The following OR52K1 variants were observed in gnomAD, a reference collection of about 807,000 sequenced individuals.
The protein encoded by OR52K1 is olfactory receptor 52K1.
OR52K1 carries 10 observed loss-of-function variants against 8.7 expected under a neutral mutation model. The ratio of observed to expected loss-of-function variants is 1.15; its 90% CI spans 0.71 to 1.95. The LOEUF (loss-of-function observed/expected upper bound fraction) is 1.95, where lower values mean the gene tolerates loss of function less well. OR52K1 is among the 30% of genes most tolerant of loss of function. OR52K1 has a pLI of 0.00. For synonymous variants in OR52K1, 203 were observed against 148.5 expected (o/e 1.37, Z -2.67); for missense variants, 431 against 397.2 (o/e 1.08, Z -0.72).
In OR52K1 at chr11:4,491,070, C is replaced by T. The variant is rs1846370494; in HGVS notation, c.*1225C>T. The stretch of plus-strand genomic sequence containing the variant: ...GGACACATTTCTCAGAATGTATCCC[C>T]ATCATTAAGCAATGCATGACTAGTT... On this transcript the variant is annotated 3_prime_UTR_variant, in exon 2 of 2. Transcript: ENST00000641528. 6.6e-6 allele frequency: 1 copy of T among 152,118 alleles called. No homozygotes were observed. The highest frequency in any genetic ancestry group is 1.5e-5 in the Non-Finnish European group (1 of 68,012). The allele number at this position is 152,118 out of a possible 1,614,324, so 9.4% of individuals were successfully genotyped here. A position where few individuals can be genotyped will look rare whatever the true frequency, so the allele number is the denominator to read the frequency against.
At chr11:4,488,204 G>C (rs1283341501) in intron 1 of OR52K1, among the ~76,000 whole-genome samples, 2 of 152,096 alleles carry the variant, frequency 1.3e-5, no homozygotes, top group African/African-American at 4.8e-5. Flanking sequence ...GTAGAGCAGT[G>C]GTCTTAAACA....
Position 4,489,616 on chromosome 11 carries a change from C to T in OR52K1, c.716C>T (p.Ala239Val). Residue 239 changes from alanine (A) to valine (V), a missense_variant, in exon 2 of 2, where the codon GCA becomes GTA. Physicochemically the swap from Ala to Val is moderately conservative, Grantham distance 64. Transcript: ENST00000641528. ...GCCTCTCAGGAGGCCCGCTACAAGG[C>T]ATTTGGGACATGTGTGTCTCACATA... ...QLASQEARYK[A>V]FGTCVSHIGA... The T allele has an allele frequency of 6.2e-7, 1 of 1,614,122 alleles. No homozygotes were observed. Among genetic ancestry groups the T allele is most frequent in the African/African-American group, 1.3e-5 (1 of 75,054 alleles).
rs746419104 is a variant in OR52K1 at position 4,489,294 on chromosome 11, T to C, written c.394T>C (p.Leu132=). ...CCGCTATGTGGCCATCTGCAAGCCA[T>C]TGCACTACACGACGGTCCTGACTGG... ...FDRYVAICKP[L]HYTTVLTGSL... Residue 132 remains leucine (L), a synonymous_variant, in exon 2 of 2, where the codon TTG becomes CTG. Coordinates refer to ENST00000641528, the MANE Select transcript of OR52K1 (RefSeq NM_001005171.3). 100 of 1,614,068 alleles carry C rather than the reference T, an allele frequency of 6.2e-5. 1 individual carries two copies. The highest frequency in any genetic ancestry group is 2.9e-4 in the African/African-American group (22 of 74,930).
rs1406122105 is a variant in OR52K1, at chr11:4,489,192, G to C, written c.292G>C (p.Ala98Pro). 6.2e-7 allele frequency: 1 copy of C among 1,614,166 alleles called. No homozygotes were observed. The change falls in exon 2 of 2, where the codon GCC becomes CCC. Residue 98 changes from alanine to proline, a missense_variant. Coordinates refer to ENST00000641528, the MANE Select transcript of OR52K1 (RefSeq NM_001005171.3). ...WFRDQEINFF[A>P]CLVQMFFLHS... ...CAGGGATCAGGAGATCAACTTCTTT[G>C]CCTGTCTGGTCCAGATGTTCTTCCT...
Position 4,489,043 on chromosome 11 carries a change from T to G in OR52K1, c.143T>G (p.Leu48Arg), listed in dbSNP as rs1001721149. ...TLALLGNCTL[L>R]FIIQADAALH... The stretch of plus-strand genomic sequence containing the variant: ...GCCCTGCTAGGCAACTGTACCCTTC[T>G]CTTCATTATCCAGGCTGATGCAGCC... The change falls in exon 2 of 2, where the codon CTC becomes CGC. Residue 48 changes from leucine to arginine, a missense_variant. Coordinates refer to ENST00000641528, the MANE Select transcript of OR52K1 (RefSeq NM_001005171.3). 20 of 1,614,066 alleles carry G rather than the reference T, an allele frequency of 1.2e-5. No homozygotes were observed. The highest frequency in any genetic ancestry group is 1.7e-5 in the Non-Finnish European group (20 of 1,180,004).
In OR52K1 at chr11:4,492,742, G is replaced by C. The variant is rs73425799; in HGVS notation, c.*2897G>C. 1.0e-4 allele frequency: 16 copies of C among 153,022 alleles called. No homozygotes were observed. Among genetic ancestry groups the C allele is most frequent in the African/African-American group, 3.6e-4 (15 of 41,418 alleles). The allele number at this position is 153,022 out of a possible 1,614,324, so 9.5% of individuals were successfully genotyped here. ...TACTTTTACATGATCTACTTATACT[G>C]TAGGGACCAGCCCTACAGGGTCTGT... On this transcript the variant is annotated 3_prime_UTR_variant, in exon 2 of 2. Coordinates refer to ENST00000641528, the MANE Select transcript of OR52K1 (RefSeq NM_001005171.3).
At position 4,492,982 on chromosome 11, in the gene OR52K1, A is replaced by C. The variant is rs138835183; in HGVS notation, c.*3137A>C. The C allele has an allele frequency of 1.3e-5, 2 of 157,744 alleles. No homozygotes were observed. Among genetic ancestry groups the C allele is most frequent in the East Asian group, 3.7e-4 (2 of 5,426 alleles). The allele number at this position is 157,744 out of a possible 1,614,324, so 9.8% of individuals were successfully genotyped here. On this transcript the variant is annotated 3_prime_UTR_variant, in exon 2 of 2. Coordinates refer to ENST00000641528, the MANE Select transcript of OR52K1 (RefSeq NM_001005171.3). ...CATCTCCAATGGTTGATAAGGTCACATAAGTCACGTGTCCACTGGACAGGG... is the reference window on the plus strand; with the variant it reads ...CATCTCCAATGGTTGATAAGGTCACCTAAGTCACGTGTCCACTGGACAGGG...
At chr11:4,486,939 G>A (rs1489573418) in intron 1 of OR52K1, among the ~76,000 whole-genome samples, 1 of 152,178 alleles carries the variant, frequency 6.6e-6, no homozygotes, top group African/African-American at 2.4e-5. Flanking sequence ...CGGGAATATG[G>A]TGGTACACGA....
chr11:4,486,541 T>C (rs1233508800), intron 1 of OR52K1, among the ~76,000 whole-genome samples: 1 of 152,260 alleles, frequency 6.6e-6, no homozygotes, highest in Non-Finnish European at 1.5e-5. Flanking sequence ...AATTTTCTAA[T>C]AAGGTGTATA....
Position 4,491,083 on chromosome 11 carries a change from T to C in OR52K1, c.*1238T>C, listed in dbSNP as rs560036211. On this transcript the variant is annotated 3_prime_UTR_variant, in exon 2 of 2. Coordinates refer to ENST00000641528, the MANE Select transcript of OR52K1 (RefSeq NM_001005171.3). ...AGAATGTATCCCCATCATTAAGCAA[T>C]GCATGACTAGTTAGACATGATTGTA... 6.6e-6 allele frequency: 1 copy of C among 152,318 alleles called. No individual in the cohort carries two copies. Among genetic ancestry groups the C allele is most frequent in the African/African-American group, 2.4e-5 (1 of 41,568 alleles). 9.4% of individuals were successfully genotyped at this position (152,318 alleles called of 1,614,324 possible).
rs951775713 is a variant in OR52K1 at position 4,490,441 on chromosome 11, A to C, written c.*596A>C. The C allele has an allele frequency of 2.0e-5, 3 of 152,630 alleles. No homozygotes were observed. Among genetic ancestry groups the C allele is most frequent in the Non-Finnish European group, 4.4e-5 (3 of 68,350 alleles). The allele number at this position is 152,630 out of a possible 1,614,324, so 9.5% of individuals were successfully genotyped here. ...CCTGATAGACATGGCCAATTCCTTT[A>C]GTGAACATTTATCAAAAGAGTCCTC... is the stretch of plus-strand genomic sequence containing the variant. On this transcript the variant is annotated 3_prime_UTR_variant, in exon 2 of 2. Transcript: ENST00000641528.
rs1379126603 is a variant in OR52K1 at position 4,483,018 on chromosome 11, A to G, written c.-487A>G. Reference sequence around the variant, plus strand: ...ATGCCAAACACTGTGGGCCATCTCCAAGAAGTCTTAGTTGATTATTCCAGT... The same window carrying G: ...ATGCCAAACACTGTGGGCCATCTCCGAGAAGTCTTAGTTGATTATTCCAGT... On this transcript the variant is annotated 5_prime_UTR_variant, in exon 1 of 2. Coordinates refer to ENST00000641528, the MANE Select transcript of OR52K1 (RefSeq NM_001005171.3). 5 of 396,578 alleles carry G rather than the reference A, an allele frequency of 1.3e-5. No individual in the cohort carries two copies. The highest frequency in any genetic ancestry group is 4.4e-5 in the Admixed American group (1 of 22,668). 24.6% of individuals were successfully genotyped at this position (396,578 alleles called of 1,614,324 possible).
rs1349793202 is a variant in OR52K1 at position 4,491,907 on chromosome 11, A to G, written c.*2062A>G. 1 of 152,166 alleles carries G rather than the reference A, an allele frequency of 6.6e-6. No homozygotes were observed. The highest frequency in any genetic ancestry group is 6.5e-5 in the Admixed American group (1 of 15,276). The allele number at this position is 152,166 out of a possible 1,614,324, so 9.4% of individuals were successfully genotyped here. A position where few individuals can be genotyped will look rare whatever the true frequency, so the allele number is the denominator to read the frequency against. On this transcript the variant is annotated 3_prime_UTR_variant, in exon 2 of 2. Transcript: ENST00000641528. ...ATTTATATAACACACCTGCACATGT[A>G]CCTCTAACCTAAAATAAAAGTTAAA... is the stretch of plus-strand genomic sequence containing the variant.
At position 4,490,027 on chromosome 11, in the gene OR52K1, A is replaced by G. The variant is rs1261039117; in HGVS notation, c.*182A>G. The G allele has an allele frequency of 1.7e-6, 1 of 597,860 alleles. No individual in the cohort carries two copies. The allele number at this position is 597,860 out of a possible 1,614,324, so 37.0% of individuals were successfully genotyped here. A position where few individuals can be genotyped will look rare whatever the true frequency, so the allele number is the denominator to read the frequency against. On this transcript the variant is annotated 3_prime_UTR_variant, in exon 2 of 2. Coordinates refer to ENST00000641528, the MANE Select transcript of OR52K1 (RefSeq NM_001005171.3). ...CAGGTCAAACCAGGAGTGCACCTAT[A>G]GTCTGGTCTGATAGTAGAGGTTTGA...
At position 4,493,338 on chromosome 11, in the gene OR52K1, G is replaced by A. The variant is rs977912509; in HGVS notation, c.*3493G>A. On this transcript the variant is annotated 3_prime_UTR_variant, in exon 2 of 2. Coordinates refer to ENST00000641528, the MANE Select transcript of OR52K1 (RefSeq NM_001005171.3). ...CTCCCTTTCTGGGTCTGTTAGTAAC[G>A]GGTGTCTTCCCTAGGAACTGACTAC... 5 of 152,186 alleles carry A rather than the reference G, an allele frequency of 3.3e-5. No homozygotes were observed. The highest frequency in any genetic ancestry group is 9.6e-5 in the African/African-American group (4 of 41,452). 9.4% of individuals were successfully genotyped at this position (152,186 alleles called of 1,614,324 possible). A position where few individuals can be genotyped will look rare whatever the true frequency, so the allele number is the denominator to read the frequency against.
intron 1 of OR52K1, among the ~76,000 whole-genome samples, chr11:4,487,310 G>A (rs1846328659): frequency 6.6e-6 from 1 of 152,038 alleles, no homozygotes; most frequent in South Asian, 2.1e-4. Flanking sequence ...TGCACACTAA[G>A]GAATTATACA....
At chr11:4,484,400 G>A (rs545250458) in intron 1 of OR52K1, among the ~76,000 whole-genome samples, 2 of 152,274 alleles carry the variant, frequency 1.3e-5, no homozygotes, top group African/African-American at 2.4e-5. Context: ...GATCCAGTGT[G>A]CTTGCTGATG....
At position 4,491,546 on chromosome 11, in the gene OR52K1, C is replaced by G. The variant is rs1392775133; in HGVS notation, c.*1701C>G. The G allele has an allele frequency of 6.6e-6, 1 of 152,162 alleles. No individual in the cohort carries two copies. The highest frequency in any genetic ancestry group is 1.5e-5 in the Non-Finnish European group (1 of 68,012). 9.4% of individuals were successfully genotyped at this position (152,162 alleles called of 1,614,324 possible). A position where few individuals can be genotyped will look rare whatever the true frequency, so the allele number is the denominator to read the frequency against. On this transcript the variant is annotated 3_prime_UTR_variant, in exon 2 of 2. Coordinates refer to ENST00000641528, the MANE Select transcript of OR52K1 (RefSeq NM_001005171.3). ...CGGAATCAACCTAAAGGCCTATCAA[C>G]AGTTGACTGGATAAAGAAAATGTGA...
chr11:4,486,119 C>T (rs1846319170), intron 1 of OR52K1, among the ~76,000 whole-genome samples: 1 of 152,140 alleles, frequency 6.6e-6, no homozygotes, highest in Non-Finnish European at 1.5e-5. Flanking sequence ...AGGTTGATAG[C>T]ACCTTACTCA....
Sources: gnomAD v4.1 joint callset for allele counts (sites outside exome capture counted in the v4.1 genomes callset) on GRCh38, gnomAD v4.1.1 for gene constraint, MANE v1.5 for transcripts, NCBI Gene and HGNC (gene_info 2026-07-23, HGNC 2026-07-21) for gene names.